The following DSCAM variants were observed in gnomAD, a reference collection of about 807,000 sequenced individuals.
DSCAM encodes cell adhesion molecule DSCAM.
DSCAM carries 47 observed loss-of-function variants against 217.7 expected under a neutral mutation model. That is an observed-to-expected ratio of 0.22 (90% CI 0.17 to 0.28). The LOEUF (loss-of-function observed/expected upper bound fraction) is 0.28, where lower values mean the gene tolerates loss of function less well. Ranked by LOEUF, DSCAM falls within the 10% of genes least tolerant of loss-of-function variation. The pLI is 1.00. For missense variants in DSCAM, 2,080 were observed against 2,618.3 expected, an observed-to-expected ratio of 0.79 and a Z score of 4.49; for synonymous variants, 1,056 against 1,015.3, an observed-to-expected ratio of 1.04 and a Z score of -0.76.
chr21:40,165,969 T>C (rs2090590724), intron 16 of DSCAM, among the ~76,000 whole-genome samples: 1 of 152,148 alleles, frequency 6.6e-6, no homozygotes, highest in Admixed American at 6.5e-5. Flanking sequence ...CGGCCTGCAC[T>C]TTCTATGCAG....
At position 40,117,697 on chromosome 21, in the gene DSCAM, C is replaced by A. The variant is rs868666437; in HGVS notation, c.3696+6498G>T. On this transcript the variant is annotated intron_variant, in intron 20 of 32. Coordinates refer to ENST00000400454, the MANE Select transcript of DSCAM (RefSeq NM_001389.5). ...GAACAGAAAATATCGGAGGGCATCA[C>A]GTGTAGTAAATGTAAGTTTGTGGTG... Among the ~76,000 whole-genome samples the A allele has an allele frequency of 2.0e-5, 3 of 152,108 alleles. No individual in the cohort carries two copies. In the East Asian group the frequency reaches 5.8e-4, roughly 29 times the overall value.
At chr21:40,495,200 C>G (rs574611965) in intron 3 of DSCAM, among the ~76,000 whole-genome samples, 18 of 152,224 alleles carry the variant, frequency 1.2e-4, no homozygotes, top group African/African-American at 4.1e-4. Context: ...TTTAAAAAGT[C>G]TAAGAGGTGA....
At chr21:40,359,063 A>G (rs895406677) in intron 4 of DSCAM, among the ~76,000 whole-genome samples, 1 of 152,234 alleles carries the variant, frequency 6.6e-6, no homozygotes, top group Non-Finnish European at 1.5e-5. Flanking sequence ...GGTAATATGA[A>G]TTAAAATCAC....
At chr21:40,405,864 GC>G (rs1460912438) in intron 3 of DSCAM, among the ~76,000 whole-genome samples, 1 of 152,066 alleles carries the variant, frequency 6.6e-6, no homozygotes, top group African/African-American at 2.4e-5. Flanking sequence ...GGGTGTGGTG[GC>G]GTGCACCTGT....
At chr21:40,780,423 G>GTATATATATATATATATATATATATA (rs71186965) in intron 1 of DSCAM, among the ~76,000 whole-genome samples, 16 of 56,404 alleles carry the variant, frequency 2.8e-4, no homozygotes, top group South Asian at 6.5e-4. Flanking sequence ...GTGTGTGTGT[G>GTATATATATATATATATATATATATA]TATATATATA....
intron 11 of DSCAM, among the ~76,000 whole-genome samples, chr21:40,196,905 C>A (rs920336449): frequency 6.6e-6 from 1 of 152,128 alleles, no homozygotes; most frequent in African/African-American, 2.4e-5. Flanking sequence ...CTAAATTATG[C>A]TATAAATAGA....
At chr21:40,516,077 T>C (rs942475390) in intron 3 of DSCAM, among the ~76,000 whole-genome samples, 6 of 152,090 alleles carry the variant, frequency 3.9e-5, no homozygotes, top group African/African-American at 1.4e-4. Context: ...TTCAGACTGA[T>C]TAAAGGATCA....
chr21:40,733,785 C>T (rs969990515), intron 1 of DSCAM, among the ~76,000 whole-genome samples: 29 of 152,130 alleles, frequency 1.9e-4, no homozygotes, highest in Admixed American at 1.9e-3. Context: ...TGCAGCAAGA[C>T]CCTGCTTGTG....
chr21:40,374,071 G>C (rs2074926355), intron 3 of DSCAM, among the ~76,000 whole-genome samples: 1 of 146,504 alleles, frequency 6.8e-6, no homozygotes, highest in African/African-American at 2.6e-5. Context: ...CAAAAAAAGG[G>C]ATAAGTGAGG....
At chr21:40,372,367 C>T (rs11911056) in intron 3 of DSCAM, among the ~76,000 whole-genome samples, 7,835 of 152,296 alleles carry the variant, frequency 0.051, 342 homozygotes, top group African/African-American at 0.12. Context: ...CTCATTCTGT[C>T]TCCCTTTGTG....
chr21:40,581,065 T>C (rs781759631), intron 3 of DSCAM, among the ~76,000 whole-genome samples: 1 of 152,154 alleles, frequency 6.6e-6, no homozygotes, highest in Non-Finnish European at 1.5e-5. Flanking sequence ...TAATATAGTA[T>C]AGAAAAACAT....
intron 3 of DSCAM, among the ~76,000 whole-genome samples, chr21:40,692,325 A>T (rs530422530): frequency 1.1e-3 from 168 of 152,360 alleles, no homozygotes; most frequent in Non-Finnish European, 2.1e-3. Context: ...TATACATTTC[A>T]TTGCTACATA....
intron 1 of DSCAM, among the ~76,000 whole-genome samples, chr21:40,775,056 A>C (rs4818172): frequency 0.45 from 67,985 of 151,636 alleles, 16,158 homozygotes; most frequent in African/African-American, 0.61. Flanking sequence ...TTGTATCATA[A>C]TCCCAAAAGA....
rs368244425 is a variant in DSCAM, at chr21:40,399,269, C to CACGAAACAAAACAAAACAAA, written c.509-30025_509-30024insTTTGTTTTGTTTTGTTTCGT. 4.3e-3 allele frequency among the ~76,000 whole-genome samples: 645 copies of CACGAAACAAAACAAAACAAA among 150,308 alleles called. 6 individuals carry two copies. The highest frequency in any genetic ancestry group is 0.024 in the Middle Eastern group (7 of 292). On this transcript the variant is annotated intron_variant, in intron 3 of 32. Transcript: ENST00000400454. ...TGGGTGACAGAGGAAGACCCTGTCT[C>CACGAAACAAAACAAAACAAA]ACAAAACAAAACAAAACAAAACAAA...
At chr21:40,143,513 C>T (rs189058760) in intron 17 of DSCAM, among the ~76,000 whole-genome samples, 1 of 152,288 alleles carries the variant, frequency 6.6e-6, no homozygotes, top group Non-Finnish European at 1.5e-5. Flanking sequence ...GATCAAGGGC[C>T]GGGCGCGGTG....
At chr21:40,511,676 G>A (rs368028633) in intron 3 of DSCAM, among the ~76,000 whole-genome samples, 2 of 151,964 alleles carry the variant, frequency 1.3e-5, no homozygotes, top group African/African-American at 4.8e-5. Flanking sequence ...CTATACATAA[G>A]TCACTCTTTC....
intron 3 of DSCAM, among the ~76,000 whole-genome samples, chr21:40,517,130 T>C (rs903139682): frequency 6.7e-6 from 1 of 148,500 alleles, no homozygotes; most frequent in Non-Finnish European, 1.5e-5. Flanking sequence ...TGTGTATATA[T>C]ATATACCTTA....
chr21:40,606,664 C>T (rs914873902), intron 3 of DSCAM, among the ~76,000 whole-genome samples: 5 of 152,188 alleles, frequency 3.3e-5, no homozygotes, highest in African/African-American at 1.2e-4. Flanking sequence ...AGTAGCTGAG[C>T]AGCCCACTTC....
At chr21:40,245,466 C>T (rs1032921035) in intron 11 of DSCAM, among the ~76,000 whole-genome samples, 3 of 152,148 alleles carry the variant, frequency 2.0e-5, no homozygotes, top group East Asian at 1.9e-4. Flanking sequence ...TGGGTGATTT[C>T]GCATGAGGTT....
Sources: allele counts gnomAD v4.1 joint callset (sites outside exome capture counted in the v4.1 genomes callset), GRCh38; gene constraint gnomAD v4.1.1; transcripts MANE v1.5; gene names NCBI Gene and HGNC (gene_info 2026-07-23, HGNC 2026-07-21).